PROM1: variants seen among roughly 807,000 people sequenced by gnomAD.
PROM1 encodes the protein prominin-1.
Under a neutral mutation model 116.9 loss-of-function variants are expected in PROM1, and 105 were observed. That is an observed-to-expected ratio of 0.90 (90% CI 0.77 to 1.06). PROM1 has a LOEUF of 1.06. Ranked by LOEUF, PROM1 falls within the 50% of genes least tolerant of loss-of-function variation. The pLI is 0.00. For missense variants in PROM1, 1,122 were observed against 1,045.2 expected (o/e 1.07, Z -1.01); for synonymous variants, 393 against 387.0 (o/e 1.02, Z -0.18).
intron 9 of PROM1, among the ~76,000 whole-genome samples, chr4:16,016,958 A>G (rs1017941288): frequency 2.0e-5 from 3 of 152,232 alleles, no homozygotes; most frequent in African/African-American, 7.2e-5. Context: ...AAAAGAGAAG[A>G]TAGTTATAAA....
rs915248012 is a variant in PROM1 at position 15,990,690 on chromosome 4, G to A, written c.1983+532C>T. Among the ~76,000 whole-genome samples, 11 of 152,124 alleles carry A rather than the reference G, an allele frequency of 7.2e-5. No homozygotes were observed. The East Asian group carries it at 1.9e-3, about 27-fold the overall frequency. On this transcript the variant is annotated intron_variant, in intron 18 of 27. Coordinates refer to ENST00000447510, the MANE Select transcript of PROM1 (RefSeq NM_006017.3). ...AGGTGGGACTCCGGACCAGACTGAA[G>A]ACTGGCGGAAACCAGAAAGAGGAGC...
At chr4:15,981,094 TGGG>T (rs1173073142) in intron 23 of PROM1, among the ~76,000 whole-genome samples, 2 of 151,334 alleles carry the variant, frequency 1.3e-5, no homozygotes, top group Non-Finnish European at 3.0e-5. Context: ...CCTGAGTAGC[TGGG>T]GCTACAGGCG....
Position 15,991,290 on chromosome 4 carries a change from C to T in PROM1, c.1915G>A (p.Gly639Ser). 3 of 1,600,894 alleles carry T rather than the reference C, an allele frequency of 1.9e-6. No homozygotes were observed. The highest frequency in any genetic ancestry group is 2.6e-6 in the Non-Finnish European group (3 of 1,175,328). ...MNYDSYLAQT[G>S]KSPAGVNLLS... ...AGATTCACTCCTGCGGGGGATTTAC[C>T]AGTCTACAATAGAAGTGAAAAAAAT... Residue 639 changes from glycine (G) to serine (S), a missense_variant, in exon 18 of 28, where the codon GGT becomes AGT. Coordinates refer to ENST00000447510, the MANE Select transcript of PROM1 (RefSeq NM_006017.3).
chr4:15,998,403 G>T lies in PROM1; in HGVS notation c.1664C>A (p.Thr555Asn). ...KLFNKSKMKL[T>N]FEQVYSDCKK... ...TTGATACCTGTAAACTTGTTCAAAA[G>T]TGAGCTTCATTTTTGATTTATTAAA... Residue 555 changes from threonine (T) to asparagine (N), a missense_variant, in exon 15 of 28, where the codon ACT (threonine) becomes AAT (asparagine). Physicochemically the swap from Thr to Asn is moderately conservative, Grantham distance 65 (BLOSUM62 0). Coordinates refer to ENST00000447510, the MANE Select transcript of PROM1 (RefSeq NM_006017.3). The T allele has an allele frequency of 6.2e-7, 1 of 1,602,970 alleles. No individual in the cohort carries two copies.
intron 5 of PROM1, among the ~76,000 whole-genome samples, chr4:16,030,195 G>A (rs16892842): frequency 0.095 from 14,368 of 152,022 alleles, 996 homozygotes; most frequent in African/African-American, 0.2. Context: ...AATAGCTACC[G>A]TAAATCAAAA....
intron 6 of PROM1, among the ~76,000 whole-genome samples, chr4:16,024,796 T>TTATAA (rs1257344239): frequency 3.9e-5 from 6 of 152,288 alleles, no homozygotes; most frequent in African/African-American, 1.2e-4. Context: ...AAATGGATGT[T>TTATAA]TATAAAGCTG....
intron 18 of PROM1, among the ~76,000 whole-genome samples, 191 bp from the exon 19 acceptor site, chr4:15,990,015 A>G (rs1402101536): frequency 6.6e-6 from 1 of 151,940 alleles, no homozygotes; most frequent in Non-Finnish European, 1.5e-5. Flanking sequence ...AGAACCATGG[A>G]CTCTCAGCAA....
In PROM1 at chr4:16,023,873, C is replaced by T. The variant is rs113359951; in HGVS notation, c.694+422G>A. Reference sequence around the variant, plus strand: ...TCACCAAATGTGCCAAACATCAACCCCCAGTTGAGAAGCACTAAGCTAAAC... The same window carrying T: ...TCACCAAATGTGCCAAACATCAACCTCCAGTTGAGAAGCACTAAGCTAAAC... On this transcript the variant is annotated intron_variant, in intron 7 of 27. Coordinates refer to ENST00000447510, the MANE Select transcript of PROM1 (RefSeq NM_006017.3). Among the ~76,000 whole-genome samples, 950 of 152,286 alleles carry T rather than the reference C, an allele frequency of 6.2e-3. 12 individuals carry two copies. Among genetic ancestry groups the T allele is most frequent in the African/African-American group, 0.022 (911 of 41,552 alleles).
chr4:16,004,472 G>A (rs1206321679), intron 13 of PROM1, among the ~76,000 whole-genome samples: 1 of 151,794 alleles, frequency 6.6e-6, no homozygotes, highest in Non-Finnish European at 1.5e-5. Flanking sequence ...ATAAAATTTC[G>A]ATGAGGGGTG....
Position 16,000,564 on chromosome 4 carries a change from TA to T in PROM1, c.1509del (p.Thr504ProfsTer11). On this transcript the variant is annotated frameshift_variant, in exon 14 of 28. Transcript: ENST00000447510. LOFTEE classifies it high-confidence loss of function. ...FCWILMIIVV[L>X]TFVFGANVEK... ...TCCACATTTGCACCAAAGACAAAGGTAAGAACCACAATGATCATCAATATCC... is the reference window on the plus strand; with the variant it reads ...TCCACATTTGCACCAAAGACAAAGGTAGAACCACAATGATCATCAATATCC... 1 of 1,590,300 alleles carries T rather than the reference TA, an allele frequency of 6.3e-7. No individual in the cohort carries two copies. The highest frequency in any genetic ancestry group is 1.3e-5 in the African/African-American group (1 of 74,490).
intron 26 of PROM1, among the ~76,000 whole-genome samples, chr4:15,972,315 T>C (rs906491575): frequency 6.6e-6 from 1 of 152,196 alleles, no homozygotes; most frequent in African/African-American, 2.4e-5. Context: ...GAAAAAAATA[T>C]GTTTTTCACA....
intron 26 of PROM1, among the ~76,000 whole-genome samples, chr4:15,972,631 T>C (rs1714879570): frequency 6.6e-6 from 1 of 152,216 alleles, no homozygotes; most frequent in Non-Finnish European, 1.5e-5. Flanking sequence ...AAACTAATCC[T>C]GGAAGCTCCT....
intron 2 of PROM1, among the ~76,000 whole-genome samples, chr4:16,041,568 G>A (rs1028845386): frequency 5.3e-5 from 8 of 151,810 alleles, no homozygotes; most frequent in African/African-American, 1.9e-4. Context: ...GCTGAGCCCA[G>A]GAGTTTGAGA....
intron 10 of PROM1, among the ~76,000 whole-genome samples, chr4:16,015,377 G>A (rs1234620453): frequency 1.4e-5 from 2 of 144,348 alleles, no homozygotes; most frequent in Non-Finnish European, 3.0e-5. Context: ...GAAGAAGAAG[G>A]TGATATATGA....
Position 15,985,170 on chromosome 4 carries a change from G to T in PROM1, c.2280+590C>A, listed in dbSNP as rs987621420. On this transcript the variant is annotated intron_variant, in intron 22 of 27. Transcript: ENST00000447510. ...AGTATACCAACTATTTACATAGCAT[G>T]TACATTGTATTAGGTATTATAAGTA... Among the ~76,000 whole-genome samples, 11 of 152,112 alleles carry T rather than the reference G, an allele frequency of 7.2e-5. No individual in the cohort carries two copies. The East Asian group carries it at 7.7e-4, about 11-fold the overall frequency.
chr4:16,073,937 C>T (rs1004361091), intron 2 of PROM1, among the ~76,000 whole-genome samples: 5 of 151,858 alleles, frequency 3.3e-5, no homozygotes, highest in African/African-American at 1.2e-4. Flanking sequence ...CAAAATAGAG[C>T]AACATATGGA....
At chr4:16,075,494 TATA>T (rs1303958893) in intron 2 of PROM1, among the ~76,000 whole-genome samples, 190 bp downstream of exon 2, 1 of 152,212 alleles carries the variant, frequency 6.6e-6, no homozygotes, top group Non-Finnish European at 1.5e-5. Context: ...TTCCATTTCT[TATA>T]ATAACATTCC....
chr4:16,020,174 T>C (rs976895200), intron 8 of PROM1, among the ~76,000 whole-genome samples: 1 of 152,200 alleles, frequency 6.6e-6, no homozygotes, highest in Non-Finnish European at 1.5e-5. Context: ...TTTGAGGATG[T>C]ACCCAGAGAC....
At chr4:15,976,672 C>A (rs749449829) in intron 26 of PROM1, among the ~76,000 whole-genome samples, 19 of 152,196 alleles carry the variant, frequency 1.2e-4, no homozygotes, top group Non-Finnish European at 2.8e-4. Flanking sequence ...GCTGAGAGGA[C>A]CCTGGCATCT....
Sources: allele counts gnomAD v4.1 joint callset (sites outside exome capture counted in the v4.1 genomes callset), GRCh38; gene constraint gnomAD v4.1.1; transcripts MANE v1.5; gene names NCBI Gene and HGNC (gene_info 2026-07-23, HGNC 2026-07-21).